The following TDRD7 variants were observed in gnomAD, a reference collection of about 807,000 sequenced individuals.
TDRD7 encodes the protein tudor domain containing 7, also known as tudor domain-containing protein 7.
A neutral mutation model predicts 109.8 loss-of-function variants in TDRD7; 47 were observed. The ratio of observed to expected loss-of-function variants is 0.43; its 90% CI spans 0.34 to 0.55. The LOEUF (loss-of-function observed/expected upper bound fraction) is 0.55. TDRD7 is among the 20% of genes least tolerant of loss of function. The pLI is 0.03. For missense variants in TDRD7, 1,164 were observed against 1,319.2 expected, an observed-to-expected ratio of 0.88 and a Z score of 1.82; for synonymous variants, 424 against 457.3, an observed-to-expected ratio of 0.93 and a Z score of 0.93.
At chr9:97,438,900 C>T (rs890771374) in intron 4 of TDRD7, among the ~76,000 whole-genome samples, 4 of 152,036 alleles carry the variant, frequency 2.6e-5, no homozygotes, top group African/African-American at 9.7e-5. Context: ...GGTTATATTC[C>T]AAAATGTTCT....
At chr9:97,457,930 A>T (rs1319162553) in intron 6 of TDRD7, among the ~76,000 whole-genome samples, 1 of 152,170 alleles carries the variant, frequency 6.6e-6, no homozygotes, top group Non-Finnish European at 1.5e-5. Flanking sequence ...GGAGTTGAAC[A>T]TTGAGAATAC....
chr9:97,440,273 C>T (rs1338464054), intron 5 of TDRD7, among the ~76,000 whole-genome samples: 7 of 152,176 alleles, frequency 4.6e-5, no homozygotes, highest in African/African-American at 1.4e-4. Flanking sequence ...GATAGGCACA[C>T]ATGTGTACAC....
At chr9:97,486,526 C>CT (rs1829214216) in intron 15 of TDRD7, among the ~76,000 whole-genome samples, 1 of 151,900 alleles carries the variant, frequency 6.6e-6, no homozygotes, top group South Asian at 2.1e-4. Flanking sequence ...GTGTTTTGTT[C>CT]TTTTTTTAAT....
chr9:97,472,495 G>A lies in TDRD7; in HGVS notation c.1944G>A (p.Gln648=). 6.2e-7 allele frequency: 1 copy of A among 1,612,120 alleles called. No individual in the cohort carries two copies. The highest frequency in any genetic ancestry group is 8.5e-7 in the Non-Finnish European group (1 of 1,178,440). ...ACAAGTCACTAGAGGTTCACCTGCA[G>A]GTACCACTGTGATCACTGTTGTTGC... ...ICDKSLEVHL[Q]VDAMYTNVKV... is the part of the protein sequence containing the mutation. Residue 648 remains glutamine (Q), a splice_region_variant and synonymous_variant, in exon 10 of 17, where the codon CAG becomes CAA. Transcript: ENST00000355295.
At chr9:97,422,745 T>G (rs778427224) in intron 1 of TDRD7, among the ~76,000 whole-genome samples, 26 of 152,330 alleles carry the variant, frequency 1.7e-4, no homozygotes, top group South Asian at 6.2e-4. Context: ...ATAAATACAT[T>G]TTTTATTTTG....
At chr9:97,413,566 T>C (rs964511057) in intron 1 of TDRD7, among the ~76,000 whole-genome samples, 3 of 152,236 alleles carry the variant, frequency 2.0e-5, no homozygotes, top group Non-Finnish European at 4.4e-5. Flanking sequence ...AAGATCTTTG[T>C]GTTTACTATA....
intron 4 of TDRD7, among the ~76,000 whole-genome samples, chr9:97,434,140 A>C (rs1243153636): frequency 1.3e-5 from 2 of 152,196 alleles, no homozygotes; most frequent in Non-Finnish European, 2.9e-5. Context: ...ATGGATAAAG[A>C]ATATGCGTTG....
intron 8 of TDRD7, among the ~76,000 whole-genome samples, chr9:97,466,357 C>T (rs143188359): frequency 8.5e-5 from 13 of 152,308 alleles, no homozygotes; most frequent in African/African-American, 3.1e-4. Flanking sequence ...GGAAACTCCC[C>T]AGCTGAATCT....
chr9:97,443,049 C>T (rs1200619091), intron 6 of TDRD7, among the ~76,000 whole-genome samples: 27 of 152,146 alleles, frequency 1.8e-4, no homozygotes, highest in African/African-American at 5.1e-4. Flanking sequence ...CCGCCCACCT[C>T]GGCCTCCCAA....
rs760549112 is a variant in TDRD7, at chr9:97,432,083, A to G, written c.408A>G (p.Lys136=). Residue 136 remains lysine (K), a synonymous_variant, in exon 4 of 17, where the codon AAA becomes AAG. Transcript: ENST00000355295. The part of the protein sequence containing the change: ...PGFASNFSVG[K]KPNPAPLRDK... The stretch of plus-strand genomic sequence containing the variant: ...TTGCTTCAAATTTTTCTGTTGGCAA[A>G]AAACCTAATCCAGCACCGTTAAGAG... The G allele has an allele frequency of 3.1e-6, 5 of 1,613,894 alleles. No individual in the cohort carries two copies. The highest frequency in any genetic ancestry group is 1.7e-5 in the Admixed American group (1 of 59,998).
At chr9:97,491,841 C>T (rs1183929820) in intron 16 of TDRD7, among the ~76,000 whole-genome samples, 4 of 152,230 alleles carry the variant, frequency 2.6e-5, no homozygotes, top group Admixed American at 6.5e-5. Flanking sequence ...CCTCCCCCAA[C>T]TGGAAGCATG....
At chr9:97,446,889 T>G (rs1828411115) in intron 6 of TDRD7, among the ~76,000 whole-genome samples, 1 of 152,212 alleles carries the variant, frequency 6.6e-6, no homozygotes, top group Non-Finnish European at 1.5e-5. Context: ...GCAATCGATA[T>G]CCTCAGGCTT....
chr9:97,470,692 C>A, intron 9 of TDRD7, 23 bp downstream of exon 9: 1 of 1,578,516 alleles, frequency 6.3e-7, no homozygotes, highest in Non-Finnish European at 8.7e-7. Context: ...TTTTAAAAAA[C>A]TCTCTCCATT....
At position 97,471,055 on chromosome 9, in the gene TDRD7, GT is replaced by G. The variant is rs573665200; in HGVS notation, c.1741+387del. Among the ~76,000 whole-genome samples, 322 of 152,242 alleles carry G rather than the reference GT, an allele frequency of 2.1e-3. 1 individual carries two copies. Among genetic ancestry groups the G allele is most frequent in the African/African-American group, 7.5e-3 (311 of 41,540 alleles). Reference sequence around the variant, plus strand: ...CACTGAGATGTACTGTGGTGATGCTGTGAGGGTGTGACTGACACACCTTCAT... The same window carrying G: ...CACTGAGATGTACTGTGGTGATGCTGGAGGGTGTGACTGACACACCTTCAT... On this transcript the variant is annotated intron_variant, in intron 9 of 16. Coordinates refer to ENST00000355295, the MANE Select transcript of TDRD7 (RefSeq NM_014290.3).
At position 97,473,659 on chromosome 9, in the gene TDRD7, G is replaced by T. The variant is rs1427092501; in HGVS notation, c.2079+33G>T. 2.5e-6 allele frequency: 4 copies of T among 1,612,566 alleles called. No homozygotes were observed. In the African/African-American group the frequency reaches 4.0e-5, roughly 16 times the overall value. On this transcript the variant is annotated intron_variant, in intron 11 of 16. Coordinates refer to ENST00000355295, the MANE Select transcript of TDRD7 (RefSeq NM_014290.3). ...AGAACCTCTTCTACCTCTAAAATTA[G>T]CCCTAAAATTACAAGCAAGAGTAAT...
At chr9:97,429,540 A>G (rs1231334385) in intron 2 of TDRD7, among the ~76,000 whole-genome samples, 2 of 152,220 alleles carry the variant, frequency 1.3e-5, no homozygotes, top group Non-Finnish European at 2.9e-5. Context: ...GAGGAGGACA[A>G]GGGAACCAGG....
Position 97,431,019 on chromosome 9 carries a change from G to C in TDRD7, c.294G>C (p.Gly98=). ...AAAGGAGTTCTAAAAGGAAAACCGG[G>C]CGTCAAGTTAATTGTCAGATGAGAG... is the stretch of plus-strand genomic sequence containing the variant. ...ARQRSSKRKT[G]RQVNCQMRVK... The change falls in exon 3 of 17, where the codon GGG becomes GGC. Residue 98 remains glycine (G), a synonymous_variant. Coordinates refer to ENST00000355295, the MANE Select transcript of TDRD7 (RefSeq NM_014290.3). The C allele has an allele frequency of 6.2e-7, 1 of 1,613,930 alleles. No individual in the cohort carries two copies. Among genetic ancestry groups the C allele is most frequent in the Non-Finnish European group, 8.5e-7 (1 of 1,179,876 alleles).
chr9:97,459,285 A>T (rs1382825630), intron 6 of TDRD7, among the ~76,000 whole-genome samples: 11 of 152,240 alleles, frequency 7.2e-5, no homozygotes, highest in Admixed American at 7.2e-4. Context: ...CTGTGTTCCA[A>T]TAAAACTTTA....
chr9:97,450,393 T>C (rs1223079076), intron 6 of TDRD7, among the ~76,000 whole-genome samples: 3 of 152,204 alleles, frequency 2.0e-5, no homozygotes, highest in African/African-American at 7.2e-5. Context: ...TCAAGTGGGC[T>C]AAAGGAACTA....
Sources: gnomAD v4.1 joint callset for allele counts (sites outside exome capture counted in the v4.1 genomes callset) on GRCh38, gnomAD v4.1.1 for gene constraint, MANE v1.5 for transcripts, NCBI Gene and HGNC (gene_info 2026-07-23, HGNC 2026-07-21) for gene names.